NTM: variants seen among roughly 807,000 people sequenced by gnomAD.
NTM encodes IgLON family member 2.
NTM carries 13 observed loss-of-function variants against 42.1 expected under a neutral mutation model. The observed-to-expected ratio is 0.31, with a 90% confidence interval of 0.20 to 0.49. NTM has a LOEUF of 0.49. NTM is among the 20% of genes least tolerant of loss of function. The pLI is 0.99. For missense variants in NTM, 373 were observed against 452.8 expected, an observed-to-expected ratio of 0.82 and a Z score of 1.60; for synonymous variants, 187 against 179.2, an observed-to-expected ratio of 1.04 and a Z score of -0.35.
At chr11:131,590,103 C>T (rs2059234780) in intron 1 of NTM, among the ~76,000 whole-genome samples, 1 of 152,148 alleles carries the variant, frequency 6.6e-6, no homozygotes, top group Non-Finnish European at 1.5e-5. Flanking sequence ...CAATCTCTTC[C>T]CTGCACCCAG....
At chr11:132,086,526 C>T (rs1010431232) in intron 2 of NTM, among the ~76,000 whole-genome samples, 4 of 152,114 alleles carry the variant, frequency 2.6e-5, no homozygotes, top group East Asian at 3.9e-4. Context: ...CCTTATTACC[C>T]GATGTTAGCC....
At chr11:131,834,276 T>G (rs1270308162) in intron 1 of NTM, among the ~76,000 whole-genome samples, 1 of 152,140 alleles carries the variant, frequency 6.6e-6, no homozygotes, top group African/African-American at 2.4e-5. Flanking sequence ...TCCTTCTCAC[T>G]CTATATTTTC....
chr11:131,633,788 TCA>T (rs56371727), intron 1 of NTM, among the ~76,000 whole-genome samples: 5 of 55,146 alleles, frequency 9.1e-5, no homozygotes, highest in African/African-American at 1.4e-4. Flanking sequence ...TCTCTCTCTC[TCA>T]CACACACACA....
intron 1 of NTM, among the ~76,000 whole-genome samples, chr11:131,463,212 G>A (rs779486898): frequency 2.6e-5 from 4 of 152,236 alleles, no homozygotes; most frequent in Non-Finnish European, 4.4e-5. Flanking sequence ...GCCGGAGATT[G>A]TAGGATCTGA....
chr11:132,304,819 A>G (rs868112696), intron 4 of NTM, among the ~76,000 whole-genome samples: 6 of 152,306 alleles, frequency 3.9e-5, no homozygotes, highest in Middle Eastern at 3.4e-3. Flanking sequence ...CTGGTGAGCA[A>G]TGAAGTCATT....
intron 3 of NTM, among the ~76,000 whole-genome samples, chr11:132,150,481 GT>G (rs373010998): frequency 8.5e-5 from 13 of 152,326 alleles, no homozygotes; most frequent in Admixed American, 3.3e-4. Flanking sequence ...GGATCAGCAG[GT>G]GTTAAAGCTA....
At chr11:132,297,128 C>A (rs539955518) in intron 4 of NTM, among the ~76,000 whole-genome samples, 20 of 152,170 alleles carry the variant, frequency 1.3e-4, no homozygotes, top group Non-Finnish European at 2.5e-4. Context: ...CTGGTGTCTG[C>A]CCTCTCCATG....
intron 2 of NTM, among the ~76,000 whole-genome samples, chr11:131,997,346 A>G (rs2068250171): frequency 6.6e-6 from 1 of 152,230 alleles, no homozygotes; most frequent in Admixed American, 6.5e-5. Flanking sequence ...TGACTTCTGC[A>G]GGATGACTCT....
chr11:131,524,738 C>T (rs149124275), intron 1 of NTM, among the ~76,000 whole-genome samples: 7 of 152,236 alleles, frequency 4.6e-5, no homozygotes, highest in Admixed American at 1.3e-4. Context: ...GAAATCAGCA[C>T]CTGTGGAAAG....
At chr11:131,902,133 A>G (rs139166312) in intron 1 of NTM, among the ~76,000 whole-genome samples, 1 of 152,372 alleles carries the variant, frequency 6.6e-6, no homozygotes, top group East Asian at 1.9e-4. Context: ...GCATACAGAA[A>G]TGCATTTTAT....
intron 1 of NTM, among the ~76,000 whole-genome samples, chr11:131,690,455 ATGCTGCACGGGCTCAGCGCGAACCT>A (rs935965807): frequency 8.5e-5 from 13 of 152,160 alleles, no homozygotes; most frequent in East Asian, 1.9e-4. Flanking sequence ...GACTGTGGAG[ATGCTGCACGGGCTCAGCGCGAACCT>A]TGCTGCACGG....
chr11:132,276,044 T>C (rs561099309), intron 4 of NTM, among the ~76,000 whole-genome samples: 3 of 151,994 alleles, frequency 2.0e-5, no homozygotes, highest in Admixed American at 6.6e-5. Flanking sequence ...TTCTGTGATA[T>C]TGACTTTTAA....
intron 3 of NTM, among the ~76,000 whole-genome samples, chr11:132,149,815 C>G (rs1310944261): frequency 3.3e-5 from 5 of 152,116 alleles, no homozygotes; most frequent in Non-Finnish European, 7.4e-5. Flanking sequence ...AAGGAGGAGA[C>G]AAGAGAACTG....
intron 3 of NTM, among the ~76,000 whole-genome samples, chr11:132,203,588 C>T (rs932599365): frequency 6.6e-6 from 1 of 152,094 alleles, no homozygotes; most frequent in Non-Finnish European, 1.5e-5. Flanking sequence ...TTTTTCTAAC[C>T]CATATTATTT....
At chr11:132,312,406 AATGCTATACCTACGGAAGGCCACCC>A (rs2095306627) in intron 6 of NTM, 1 of 152,234 alleles carries the variant, frequency 6.6e-6, no homozygotes, top group Admixed American at 6.5e-5. Context: ...AGAGGAATGG[AATGCTATACCTACGGAAGGCCACCC>A]ATCCAACAGG....
chr11:132,245,650 A>G (rs1480622363), intron 4 of NTM, among the ~76,000 whole-genome samples: 5 of 152,092 alleles, frequency 3.3e-5, no homozygotes, highest in Non-Finnish European at 7.4e-5. Flanking sequence ...GCAGAGCGTC[A>G]CGGGGACTCT....
At chr11:131,389,045 A>AAAAGAAAAGG (rs1400836856) in intron 1 of NTM, among the ~76,000 whole-genome samples, 5 of 150,650 alleles carry the variant, frequency 3.3e-5, no homozygotes, top group Admixed American at 2.0e-4. Flanking sequence ...AAAAGAAAAG[A>AAAAGAAAAGG]AAAGGAAAAA....
At chr11:131,923,061 TA>T (rs35051143) in intron 2 of NTM, among the ~76,000 whole-genome samples, 18 of 149,544 alleles carry the variant, frequency 1.2e-4, no homozygotes, top group Admixed American at 2.7e-4. Flanking sequence ...GTACCCCGTT[TA>T]AAAAAAAAAG....
At chr11:132,028,245 GTTT>G (rs200489405) in intron 2 of NTM, among the ~76,000 whole-genome samples, 1 of 132,196 alleles carries the variant, frequency 7.6e-6, no homozygotes, top group African/African-American at 2.8e-5. Flanking sequence ...CTTCCAGCTG[GTTT>G]TTTTTTTTTT....
Sources: gnomAD v4.1 joint callset for allele counts (sites outside exome capture counted in the v4.1 genomes callset) on GRCh38, gnomAD v4.1.1 for gene constraint, MANE v1.5 for transcripts, NCBI Gene and HGNC (gene_info 2026-07-23, HGNC 2026-07-21) for gene names.